The following ABCB7 variants were observed in gnomAD, a reference collection of about 807,000 sequenced individuals.
The protein encoded by ABCB7 is ATP binding cassette subfamily B member 7, also known as iron-sulfur clusters transporter ABCB7, mitochondrial.
In ABCB7, 7 loss-of-function variants were observed where a neutral mutation model predicts 54.4. The ratio of observed to expected loss-of-function variants is 0.13; its 90% CI spans 0.07 to 0.24. The LOEUF (loss-of-function observed/expected upper bound fraction) is 0.24. Ranked by LOEUF, ABCB7 falls within the 10% of genes least tolerant of loss-of-function variation. ABCB7 has a pLI of 1.00. For synonymous variants in ABCB7, 218 were observed against 207.1 expected (o/e 1.05, Z -0.45); for missense variants, 356 against 570.4 (o/e 0.62, Z 3.83).
chrX:75,104,047 G>GTTTTTTTGTTTTTTGTTTTTT (rs2081663659), intron 3 of ABCB7, among the ~76,000 whole-genome samples: 1 of 13,443 alleles, frequency 7.4e-5, no homozygotes, highest in Non-Finnish European at 1.7e-4. Context: ...TCTTGTTACA[G>GTTTTTTTGTTTTTTGTTTTTT]TTTTTTTTTT....
At chrX:75,130,692 T>A (rs1235914586) in intron 1 of ABCB7, among the ~76,000 whole-genome samples, 1 of 111,524 alleles carries the variant, frequency 9.0e-6, no homozygotes, top group Non-Finnish European at 1.9e-5. Flanking sequence ...TATAAAGGCA[T>A]ATGCCTGGGT....
intron 4 of ABCB7, among the ~76,000 whole-genome samples, chrX:75,095,832 C>T (rs2081586192): frequency 8.9e-6 from 1 of 111,873 alleles, no homozygotes; most frequent in African/African-American, 3.2e-5. Flanking sequence ...AAATATTAAC[C>T]TTCTAAAAAT....
intron 1 of ABCB7, among the ~76,000 whole-genome samples, chrX:75,154,529 C>T (rs1321237461): frequency 1.8e-5 from 2 of 112,091 alleles, no homozygotes; most frequent in African/African-American, 6.5e-5. Flanking sequence ...AGATTCGCTT[C>T]GTTAGCCTAA....
chrX:75,094,481 G>C (rs1466677536), intron 4 of ABCB7, among the ~76,000 whole-genome samples: 1 of 111,683 alleles, frequency 9.0e-6, no homozygotes, highest in Non-Finnish European at 1.9e-5. Flanking sequence ...GGGAGGCTGA[G>C]GCGGGCGGAT....
chrX:75,148,379 C>A (rs772655223), intron 1 of ABCB7, among the ~76,000 whole-genome samples: 111 of 108,358 alleles, frequency 1.0e-3, no homozygotes, highest in South Asian at 2.1e-3. Context: ...ATCCCAAACC[C>A]CCCCCCAACC....
chrX:75,096,071 T>A (rs2043941455), intron 4 of ABCB7, among the ~76,000 whole-genome samples: 1 of 112,258 alleles, frequency 8.9e-6, no homozygotes, highest in Admixed American at 9.4e-5. Context: ...TGCCTTTAAC[T>A]TGTCAGCAAA....
At chrX:75,148,899 T>C (rs2082111809) in intron 1 of ABCB7, among the ~76,000 whole-genome samples, 1 of 111,829 alleles carries the variant, frequency 8.9e-6, no homozygotes, top group African/African-American at 3.3e-5. Flanking sequence ...GCACAGTTAT[T>C]AAGTCACTAC....
intron 1 of ABCB7, among the ~76,000 whole-genome samples, chrX:75,116,717 AT>A (rs2081824319): frequency 9.0e-6 from 1 of 111,361 alleles, no homozygotes; most frequent in Non-Finnish European, 1.9e-5. Context: ...GCTTAGTAAA[AT>A]AAGGCTGAGA....
intron 4 of ABCB7, among the ~76,000 whole-genome samples, chrX:75,098,323 G>GA (rs1202692422): frequency 2.5e-4 from 26 of 103,806 alleles, no homozygotes; most frequent in Non-Finnish European, 2.4e-4. Flanking sequence ...AAAAAAAAAA[G>GA]AAAAAAAAAT....
In ABCB7 at chrX:75,086,316, A is replaced by G. The variant is rs754977125; in HGVS notation, c.454-9662T>C. Reference sequence around the variant, plus strand: ...GGGACACTAACTGAAGAAGAGAGTTAAGTAAAAAGTAAAATTGCCATAAAG... The same window carrying G: ...GGGACACTAACTGAAGAAGAGAGTTGAGTAAAAAGTAAAATTGCCATAAAG... On this transcript the variant is annotated intron_variant, in intron 4 of 15. Coordinates refer to ENST00000373394, the MANE Select transcript of ABCB7 (RefSeq NM_001271696.3). Among the ~76,000 whole-genome samples the G allele has an allele frequency of 3.6e-5, 4 of 111,911 alleles. No homozygotes were observed. In the Admixed American group the frequency reaches 3.8e-4, roughly 11 times the overall value.
chrX:75,059,346 G>C (rs193223354), intron 15 of ABCB7, among the ~76,000 whole-genome samples: 2 of 109,730 alleles, frequency 1.8e-5, no homozygotes, highest in Admixed American at 9.8e-5. Context: ...GCACATGCCT[G>C]TATAGTCCCA....
At chrX:75,133,116 A>G (rs1240586543) in intron 1 of ABCB7, among the ~76,000 whole-genome samples, 1 of 112,156 alleles carries the variant, frequency 8.9e-6, no homozygotes, top group Non-Finnish European at 1.9e-5. Flanking sequence ...GATGAAAGAC[A>G]AAATAGCCAT....
At chrX:75,104,047 G>GTTTTTGTTTTTTTTTTTTTTTTTTTTTTT (rs2081663595) in intron 3 of ABCB7, among the ~76,000 whole-genome samples, 1 of 13,443 alleles carries the variant, frequency 7.4e-5, no homozygotes, top group Admixed American at 2.0e-3. Flanking sequence ...TCTTGTTACA[G>GTTTTTGTTTTTTTTTTTTTTTTTTTTTTT]TTTTTTTTTT....
chrX:75,059,348 A>G (rs1490920770), intron 15 of ABCB7, among the ~76,000 whole-genome samples: 2 of 109,652 alleles, frequency 1.8e-5, no homozygotes, highest in Non-Finnish European at 3.8e-5. Flanking sequence ...ACATGCCTGT[A>G]TAGTCCCAGC....
chrX:75,148,933 T>C (rs1408784449), intron 1 of ABCB7, among the ~76,000 whole-genome samples: 2 of 111,582 alleles, frequency 1.8e-5, no homozygotes, highest in Non-Finnish European at 3.8e-5. Flanking sequence ...GAAGAAAGAG[T>C]TCATACTTAG....
intron 3 of ABCB7, among the ~76,000 whole-genome samples, chrX:75,102,230 G>A (rs914899188): frequency 1.8e-5 from 2 of 110,381 alleles, no homozygotes; most frequent in East Asian, 2.8e-4. Context: ...TGAAATACAC[G>A]TTATTGCTAA....
intron 1 of ABCB7, among the ~76,000 whole-genome samples, chrX:75,143,299 C>T (rs767795224): frequency 1.8e-5 from 2 of 111,751 alleles, no homozygotes; most frequent in Non-Finnish European, 3.8e-5. Context: ...CTAAAACATA[C>T]CAAGAGTCAT....
At chrX:75,126,939 C>T (rs1384396949) in intron 1 of ABCB7, among the ~76,000 whole-genome samples, 1 of 111,273 alleles carries the variant, frequency 9.0e-6, no homozygotes, top group East Asian at 2.8e-4. Flanking sequence ...CAAAAAAAGT[C>T]CAGGACCAGA....
chrX:75,077,916 C>CTT (rs779192815), intron 4 of ABCB7, among the ~76,000 whole-genome samples: 7 of 96,453 alleles, frequency 7.3e-5, no homozygotes, highest in African/African-American at 2.3e-4. Context: ...TTCTTCTTTG[C>CTT]TTTTTTTTTT....
Sources: allele counts gnomAD v4.1 joint callset (sites outside exome capture counted in the v4.1 genomes callset), GRCh38; gene constraint gnomAD v4.1.1; transcripts MANE v1.5; gene names NCBI Gene and HGNC (gene_info 2026-07-23, HGNC 2026-07-21).